The following RASGRF1 variants were observed in gnomAD, a reference collection of about 807,000 sequenced individuals.
RASGRF1 encodes the protein Ras protein specific guanine nucleotide releasing factor 1.
In RASGRF1, 40 loss-of-function variants were observed where a neutral mutation model predicts 138.7. That is an observed-to-expected ratio of 0.29 (90% CI 0.22 to 0.38). RASGRF1 has a LOEUF of 0.38. Ranked by LOEUF, RASGRF1 falls within the 10% of genes least tolerant of loss-of-function variation. RASGRF1 has a pLI of 1.00. For missense variants in RASGRF1, 1,108 were observed against 1,650.4 expected (o/e 0.67, Z 5.69); for synonymous variants, 614 against 663.2 (o/e 0.93, Z 1.14).
chr15:79,036,334 C>T (rs1225130934), intron 5 of RASGRF1, among the ~76,000 whole-genome samples: 1 of 152,184 alleles, frequency 6.6e-6, no homozygotes, highest in East Asian at 1.9e-4. Flanking sequence ...CAGGGACAGC[C>T]CTGAGCCTTT....
chr15:79,070,325 G>A (rs772553201), intron 1 of RASGRF1, among the ~76,000 whole-genome samples: 1 of 152,204 alleles, frequency 6.6e-6, no homozygotes, highest in Admixed American at 6.5e-5. Context: ...CCCTGACGGG[G>A]ACAGAGCATA....
intron 3 of RASGRF1, among the ~76,000 whole-genome samples, chr15:79,057,618 G>T (rs543762744): frequency 6.6e-6 from 1 of 152,332 alleles, no homozygotes; most frequent in Admixed American, 6.5e-5. Flanking sequence ...CTGGTGAGGG[G>T]CATCTAAGGG....
chr15:78,996,415 T>C (rs1330171024), intron 19 of RASGRF1, among the ~76,000 whole-genome samples: 2 of 152,066 alleles, frequency 1.3e-5, no homozygotes. Context: ...CTGGGCTGCG[T>C]GGGGACAGCC....
intron 3 of RASGRF1, among the ~76,000 whole-genome samples, chr15:79,056,817 C>T (rs990717332): frequency 5.3e-5 from 8 of 152,128 alleles, no homozygotes; most frequent in Non-Finnish European, 4.4e-5. Context: ...GAGCTGGATT[C>T]GCAGGTGTGA....
At chr15:79,059,537 T>G in intron 2 of RASGRF1, among the ~76,000 whole-genome samples, 1 of 152,082 alleles carries the variant, frequency 6.6e-6, no homozygotes, top group East Asian at 1.9e-4. Flanking sequence ...AAAGACCAAT[T>G]ATCTCATTTC....
At chr15:79,054,703 GAGTC>G (rs1355110620) in intron 3 of RASGRF1, among the ~76,000 whole-genome samples, 1 of 152,230 alleles carries the variant, frequency 6.6e-6, no homozygotes, top group Non-Finnish European at 1.5e-5. Flanking sequence ...TGGACACACA[GAGTC>G]AGTAATCAAC....
intron 22 of RASGRF1, chr15:78,985,926 G>GAAAAA (rs10584043): frequency 2.4e-5 from 2 of 83,374 alleles, no homozygotes; most frequent in African/African-American, 5.0e-5. Flanking sequence ...CTCCATCTCA[G>GAAAAA]AAAAAAAAAA....
chr15:78,967,059 T>C (rs1163994815), intron 26 of RASGRF1, among the ~76,000 whole-genome samples: 3 of 152,136 alleles, frequency 2.0e-5, no homozygotes, highest in African/African-American at 7.2e-5. Context: ...TCCCAGCTCT[T>C]TGGGAGGCCA....
At chr15:79,047,490 G>C (rs1205130425) in intron 4 of RASGRF1, among the ~76,000 whole-genome samples, 2 of 152,208 alleles carry the variant, frequency 1.3e-5, no homozygotes, top group Admixed American at 1.3e-4. Flanking sequence ...TTGCCTGAGA[G>C]CCCAGAAGTT....
chr15:79,067,456 T>C (rs1045442250), intron 1 of RASGRF1, among the ~76,000 whole-genome samples: 4 of 152,182 alleles, frequency 2.6e-5, no homozygotes, highest in African/African-American at 9.7e-5. Flanking sequence ...TTGTCCAAGG[T>C]CACTGGGCTA....
chr15:79,090,121 G>T (rs536613881), intron 1 of RASGRF1, 102 bp downstream of exon 1: 5 of 1,406,288 alleles, frequency 3.6e-6, no homozygotes, highest in Non-Finnish European at 4.7e-6. Flanking sequence ...GGCGCCAAGA[G>T]TAGAGGGGCC....
chr15:79,004,878 CTT>C, intron 14 of RASGRF1: 1 of 982,152 alleles, frequency 1.0e-6, no homozygotes, highest in Non-Finnish European at 1.2e-6. Flanking sequence ...CGTAGGCACT[CTT>C]ATTCCTACAG....
chr15:79,081,958 C>T (rs748380991), intron 1 of RASGRF1, among the ~76,000 whole-genome samples: 3 of 152,278 alleles, frequency 2.0e-5, no homozygotes, highest in South Asian at 2.1e-4. Context: ...ACAGAGTCAC[C>T]GAGCTTAATG....
At chr15:79,013,857 A>G (rs1376717815) in intron 13 of RASGRF1, among the ~76,000 whole-genome samples, 2 of 152,216 alleles carry the variant, frequency 1.3e-5, no homozygotes, top group African/African-American at 2.4e-5. Flanking sequence ...GTTCAAACAA[A>G]CACAGTGGTC....
At chr15:78,987,638 G>C (rs762262547) in intron 22 of RASGRF1, among the ~76,000 whole-genome samples, 4 of 152,176 alleles carry the variant, frequency 2.6e-5, no homozygotes, top group Non-Finnish European at 4.4e-5. Context: ...GGAGGTTGCA[G>C]TGAGCTGAGA....
chr15:79,087,994 T>C lies in RASGRF1; in HGVS notation c.276+2229A>G, dbSNP rs151313414. Among the ~76,000 whole-genome samples the C allele has an allele frequency of 3.6e-3, 541 of 152,350 alleles. 5 individuals carry two copies. The highest frequency in any genetic ancestry group is 0.013 in the African/African-American group (521 of 41,586). ...TAGTAGTGTTCTGGGGAAACAGCTC[T>C]GAACATGAGTGCATCTCATCAATTA... On this transcript the variant is annotated intron_variant, in intron 1 of 26. Coordinates refer to ENST00000558480, the MANE Select transcript of RASGRF1 (RefSeq NM_001145648.3).
intron 6 of RASGRF1, among the ~76,000 whole-genome samples, chr15:79,034,381 T>C (rs2057189109): frequency 6.6e-6 from 1 of 152,222 alleles, no homozygotes; most frequent in South Asian, 2.1e-4. Flanking sequence ...AGTGCAGCCA[T>C]CTTGGAGAAC....
chr15:79,034,551 C>T (rs1172151159), intron 6 of RASGRF1, among the ~76,000 whole-genome samples: 2 of 152,124 alleles, frequency 1.3e-5, no homozygotes, highest in Non-Finnish European at 2.9e-5. Flanking sequence ...ATTGGAACAA[C>T]TCTAAGAGCC....
At chr15:78,985,878 T>C (rs1237417355) in intron 22 of RASGRF1, 1 of 138,324 alleles carries the variant, frequency 7.2e-6, no homozygotes, top group Non-Finnish European at 1.5e-5. Flanking sequence ...TGAGCCAAGA[T>C]TGCGCTGCTG....
Sources: gnomAD v4.1 joint callset for allele counts (sites outside exome capture counted in the v4.1 genomes callset) on GRCh38, gnomAD v4.1.1 for gene constraint, MANE v1.5 for transcripts, NCBI Gene and HGNC (gene_info 2026-07-23, HGNC 2026-07-21) for gene names.